Variants in DNER observed in about 807,000 individuals in gnomAD.
DNER encodes delta and Notch-like epidermal growth factor-related receptor.
In DNER, 33 loss-of-function variants were observed where a neutral mutation model predicts 78.2. The observed-to-expected ratio is 0.42, with a 90% CI of 0.32 to 0.56. The LOEUF (loss-of-function observed/expected upper bound fraction) is 0.56, where lower values mean the gene tolerates loss of function less well. Ranked by LOEUF, DNER falls within the 20% of genes least tolerant of loss-of-function variation. DNER has a pLI of 0.11. For synonymous variants in DNER, 417 were observed against 384.8 expected (o/e 1.08, Z -0.98); for missense variants, 918 against 975.3 (o/e 0.94, Z 0.78).
At chr2:229,502,782 G>A (rs1318559292) in intron 6 of DNER, among the ~76,000 whole-genome samples, 1 of 152,224 alleles carries the variant, frequency 6.6e-6, no homozygotes, top group Non-Finnish European at 1.5e-5. Flanking sequence ...AATAGGACAG[G>A]TAACTGAAAC....
At chr2:229,678,190 C>A (rs1688161784) in intron 1 of DNER, among the ~76,000 whole-genome samples, 1 of 152,206 alleles carries the variant, frequency 6.6e-6, no homozygotes, top group South Asian at 2.1e-4. Context: ...TACACAGTGG[C>A]AGCCACTTGC....
At chr2:229,584,655 A>C (rs1209980070) in intron 4 of DNER, among the ~76,000 whole-genome samples, 1 of 152,136 alleles carries the variant, frequency 6.6e-6, no homozygotes, top group Non-Finnish European at 1.5e-5. Context: ...GAGGAATTAG[A>C]AAACAACTAA....
At chr2:229,709,287 T>C (rs1210947195) in intron 1 of DNER, among the ~76,000 whole-genome samples, 1 of 152,228 alleles carries the variant, frequency 6.6e-6, no homozygotes, top group Admixed American at 6.5e-5. Flanking sequence ...AGTTACATCA[T>C]TTCTATAAAG....
intron 5 of DNER, among the ~76,000 whole-genome samples, chr2:229,530,069 G>C (rs991471641): frequency 1.3e-5 from 2 of 151,712 alleles, no homozygotes; most frequent in African/African-American, 4.8e-5. Context: ...AGTTTAAAAA[G>C]CACCTATTAA....
At chr2:229,625,822 G>A (rs957822402) in intron 1 of DNER, among the ~76,000 whole-genome samples, 3 of 152,184 alleles carry the variant, frequency 2.0e-5, no homozygotes, top group Non-Finnish European at 4.4e-5. Context: ...GGCTAGACTG[G>A]AGGGAGAGTT....
intron 5 of DNER, among the ~76,000 whole-genome samples, chr2:229,534,427 T>C (rs994637319): frequency 6.6e-6 from 1 of 152,242 alleles, no homozygotes; most frequent in African/African-American, 2.4e-5. Flanking sequence ...TAGATTGTAA[T>C]GAAACAGACT....
chr2:229,394,195 G>GA (rs1693080890), intron 10 of DNER, among the ~76,000 whole-genome samples: 1 of 152,164 alleles, frequency 6.6e-6, no homozygotes, highest in Non-Finnish European at 1.5e-5. Context: ...TACAAGAACA[G>GA]ATACTTACCA....
At chr2:229,623,868 T>C (rs1698292526) in intron 1 of DNER, among the ~76,000 whole-genome samples, 1 of 152,182 alleles carries the variant, frequency 6.6e-6, no homozygotes, top group Non-Finnish European at 1.5e-5. Flanking sequence ...CACACATTCC[T>C]CTCTAAGAAT....
chr2:229,447,632 C>G, intron 7 of DNER, 92 bp from the exon 8 acceptor site: 1 of 1,299,540 alleles, frequency 7.7e-7, no homozygotes, highest in South Asian at 1.4e-5. Flanking sequence ...ATATGCATAA[C>G]AATTAATTCA....
At position 229,601,637 on chromosome 2, in the gene DNER, G is replaced by C. The variant is rs569699235; in HGVS notation, c.277-9749C>G. On this transcript the variant is annotated intron_variant, in intron 1 of 12. Coordinates refer to ENST00000341772, the MANE Select transcript of DNER (RefSeq NM_139072.4). ...TTTGTATGTGAGTTGAGTCACATTT[G>C]TAAGTAGGCTAAAAGGAAATTATAA... Among the ~76,000 whole-genome samples, 12 of 152,300 alleles carry C rather than the reference G, an allele frequency of 7.9e-5. No homozygotes were observed. The South Asian group carries it at 2.3e-3, about 29-fold the overall frequency.
chr2:229,709,669 T>C (rs1699882171), intron 1 of DNER, among the ~76,000 whole-genome samples: 1 of 152,198 alleles, frequency 6.6e-6, no homozygotes, highest in Non-Finnish European at 1.5e-5. Flanking sequence ...TTAACTTGCA[T>C]GAAAAGCAGC....
At chr2:229,371,034 G>T (rs556575468) in intron 11 of DNER, among the ~76,000 whole-genome samples, 1 of 152,300 alleles carries the variant, frequency 6.6e-6, no homozygotes, top group South Asian at 2.1e-4. Context: ...ATTCCAAGCT[G>T]TTCGGACTTT....
chr2:229,589,586 G>T (rs994381439), intron 2 of DNER, among the ~76,000 whole-genome samples: 5 of 152,282 alleles, frequency 3.3e-5, no homozygotes, highest in Non-Finnish European at 5.9e-5. Context: ...AGCAGCCTAA[G>T]AAATAATCCA....
At chr2:229,572,229 C>T (rs1288727211) in intron 4 of DNER, among the ~76,000 whole-genome samples, 1 of 152,168 alleles carries the variant, frequency 6.6e-6, no homozygotes, top group Non-Finnish European at 1.5e-5. Flanking sequence ...CAAGATACAC[C>T]TCGAGTTCTA....
intron 5 of DNER, among the ~76,000 whole-genome samples, chr2:229,534,536 T>C (rs1480794054): frequency 6.6e-6 from 1 of 152,228 alleles, no homozygotes; most frequent in South Asian, 2.1e-4. Context: ...TACACAAATA[T>C]CTGAAAGGCT....
chr2:229,629,681 T>G (rs1259979260), intron 1 of DNER, among the ~76,000 whole-genome samples: 1 of 152,236 alleles, frequency 6.6e-6, no homozygotes, highest in African/African-American at 2.4e-5. Flanking sequence ...ATCACAATTT[T>G]GATTCATTTA....
At chr2:229,676,126 G>A (rs1218209078) in intron 1 of DNER, among the ~76,000 whole-genome samples, 8 of 152,208 alleles carry the variant, frequency 5.3e-5, no homozygotes, top group Non-Finnish European at 2.9e-5. Context: ...TATTGGTGGG[G>A]TAGAAGGGAG....
chr2:229,413,315 CTTCTTCTTTT>C (rs1388104808), intron 9 of DNER, among the ~76,000 whole-genome samples: 13 of 19,610 alleles, frequency 6.6e-4, no homozygotes, highest in African/African-American at 1.3e-3. Flanking sequence ...TTTTCTTTTT[CTTCTTCTTTT>C]TTTTTTTTTT....
At chr2:229,516,001 C>T (rs904777797) in intron 5 of DNER, among the ~76,000 whole-genome samples, 5 of 152,134 alleles carry the variant, frequency 3.3e-5, no homozygotes, top group Admixed American at 6.5e-5. Flanking sequence ...TTTTGTTTTG[C>T]TTTATTGCAA....
Sources: allele counts gnomAD v4.1 joint callset (sites outside exome capture counted in the v4.1 genomes callset), GRCh38; gene constraint gnomAD v4.1.1; transcripts MANE v1.5; gene names NCBI Gene and HGNC (gene_info 2026-07-23, HGNC 2026-07-21).